Variants in BTNL2 observed in about 807,000 individuals in gnomAD.
BTNL2 encodes butyrophilin-like protein 2.
A neutral mutation model predicts 46.8 loss-of-function variants in BTNL2; 46 were observed. The ratio of observed to expected loss-of-function variants is 0.98; its 90% confidence interval spans 0.78 to 1.26. The LOEUF (loss-of-function observed/expected upper bound fraction) is 1.26, where lower values mean the gene tolerates loss of function less well. BTNL2 is among the 50% of genes most tolerant of loss of function. The pLI is 0.00. For missense variants in BTNL2, 461 were observed against 592.6 expected, an observed-to-expected ratio of 0.78 and a Z score of 2.31; for synonymous variants, 226 against 229.1, an observed-to-expected ratio of 0.99 and a Z score of 0.12.
rs1487447449 is a variant in BTNL2 at position 32,399,553 on chromosome 6, A to G, written c.730+2232T>C. ...GATGAATGAGCTGACAAAGTCACAC[A>G]TAAGTAATTAAGGACTTGCACTGTT... On this transcript the variant is annotated intron_variant, in intron 4 of 7. Transcript: ENST00000454136. This position sits in a 1 kb window ranked among gnomAD's most constrained non-coding sequence, Gnocchi z 5.2. 2.0e-5 allele frequency among the ~76,000 whole-genome samples: 3 copies of G among 152,224 alleles called. No homozygotes were observed. Among genetic ancestry groups the G allele is most frequent in the Non-Finnish European group, 4.4e-5 (3 of 68,034 alleles).
At chr6:32,402,652 G>T (rs1776852471) in intron 3 of BTNL2, among the ~76,000 whole-genome samples, 1 of 152,130 alleles carries the variant, frequency 6.6e-6, no homozygotes, top group African/African-American at 2.4e-5. Context: ...TTCAGTTGAA[G>T]AAATATAGCT....
At position 32,403,212 on chromosome 6, in the gene BTNL2, C is replaced by A. The variant is rs1161851100; in HGVS notation, c.432G>T (p.Leu144=). ...ETSLLLKVAG[L]GSAPSIHMEG... The stretch of plus-strand genomic sequence containing the variant: ...CCATGTGGATGCTAGGGGCAGACCC[C>A]AGACCTGCAGAGGGAAGCCACAGCT... The change falls in exon 3 of 8, where the codon CTG becomes CTT. Residue 144 remains leucine (L), a synonymous_variant. Coordinates refer to ENST00000454136, the MANE Select transcript of BTNL2 (RefSeq NM_001304561.2). 5.0e-6 allele frequency: 8 copies of A among 1,602,288 alleles called. No homozygotes were observed. The highest frequency in any genetic ancestry group is 1.3e-5 in the African/African-American group (1 of 74,724).
intron 1 of BTNL2, chr6:32,406,605 C>A (rs73400894): frequency 0.066 from 9,996 of 152,218 alleles, 401 homozygotes; most frequent in African/African-American, 0.11. Context: ...TCCAAAGTCC[C>A]TTTCTTCTAA....
intron 1 of BTNL2, among the ~76,000 whole-genome samples, chr6:32,405,850 A>G (rs1296690532): frequency 7.6e-6 from 1 of 131,778 alleles, no homozygotes; most frequent in Non-Finnish European, 1.6e-5. Flanking sequence ...TCCCGTCTGG[A>G]GTTGGCAGGA....
In BTNL2 at chr6:32,399,941, C is replaced by G. The variant is rs1388394316; in HGVS notation, c.730+1844G>C. On this transcript the variant is annotated intron_variant, in intron 4 of 7. Transcript: ENST00000454136. The surrounding 1 kb of genome is among the most constrained non-coding windows in gnomAD (Gnocchi z 5.2). ...CCACCTGACAGGAAGCAAAGGGAAGCTCCATCTTTCCGTGTTGGTTAATTG... is the reference window on the plus strand; with the variant it reads ...CCACCTGACAGGAAGCAAAGGGAAGGTCCATCTTTCCGTGTTGGTTAATTG... Among the ~76,000 whole-genome samples, 1 of 152,084 alleles carries G rather than the reference C, an allele frequency of 6.6e-6. No individual in the cohort carries two copies. Among genetic ancestry groups the G allele is most frequent in the Non-Finnish European group, 1.5e-5 (1 of 68,032 alleles).
rs9268487 is a variant in BTNL2 at position 32,400,784 on chromosome 6, A to C, written c.730+1001T>G. 7.8e-3 allele frequency among the ~76,000 whole-genome samples: 913 copies of C among 117,066 alleles called. 74 individuals carry two copies. The highest frequency in any genetic ancestry group is 0.021 in the Middle Eastern group (5 of 238). The allele number at this position is 117,066 out of a possible 152,430, so 76.8% of individuals were successfully genotyped here. ...AAAAATTAGCTGGGTGTGGTGGCGC[A>C]TGCCTGTAGTCCCAGTTACTCAGGA... On this transcript the variant is annotated intron_variant, in intron 4 of 7. Coordinates refer to ENST00000454136, the MANE Select transcript of BTNL2 (RefSeq NM_001304561.2).
intron 1 of BTNL2, 124 bp from the exon 2 acceptor site, chr6:32,405,410 T>TCTC: frequency 1.1e-6 from 1 of 921,838 alleles, no homozygotes; most frequent in Non-Finnish European, 1.7e-6. Context: ...GTTTAATGTT[T>TCTC]TAGAGAAATC....
chr6:32,399,849 A>G lies in BTNL2; in HGVS notation c.730+1936T>C, dbSNP rs553023234. Among the ~76,000 whole-genome samples, 16 of 152,340 alleles carry G rather than the reference A, an allele frequency of 1.1e-4. No individual in the cohort carries two copies. The South Asian group carries it at 1.9e-3, about 18-fold the overall frequency. On this transcript the variant is annotated intron_variant, in intron 4 of 7. Transcript: ENST00000454136. This position sits in a 1 kb window ranked among gnomAD's most constrained non-coding sequence, Gnocchi z 5.2. ...CAGTGATTTCAGTCTTAGGACTTCC[A>G]TAGAGAGCTGGGTGTCCCATCATTA...
chr6:32,402,920 A>G lies in BTNL2; in HGVS notation c.709+15T>C. The G allele has an allele frequency of 6.2e-7, 1 of 1,610,212 alleles. No individual in the cohort carries two copies. The highest frequency in any genetic ancestry group is 8.5e-7 in the Non-Finnish European group (1 of 1,177,776). Reference sequence around the variant, plus strand: ...GCTGATCTGAGCATGTGGGTCCTAGAGGCAGAGCACTGACCTGGGAGGCTG... The same window carrying G: ...GCTGATCTGAGCATGTGGGTCCTAGGGGCAGAGCACTGACCTGGGAGGCTG... On this transcript the variant is annotated intron_variant, in intron 3 of 7. Coordinates refer to ENST00000454136, the MANE Select transcript of BTNL2 (RefSeq NM_001304561.2).
rs201236144 is a variant in BTNL2 at position 32,394,779 on chromosome 6, A to T, written c.1325T>A (p.Leu442Ter). 2 of 1,613,216 alleles carry T rather than the reference A, an allele frequency of 1.2e-6. No homozygotes were observed. The highest frequency in any genetic ancestry group is 2.2e-5 in the East Asian group (1 of 44,838). Residue 442 changes from leucine (L) to a stop codon, truncating the protein, a stop_gained, in exon 6 of 8, where the codon TTG becomes TAG. Transcript: ENST00000454136. LOFTEE classifies it high-confidence loss of function. This position sits in a 1 kb window ranked among gnomAD's most constrained non-coding sequence, Gnocchi z 4.6. ...AAAAGTTGCGATTTTCTCCTCGCCC[A>T]AAAAGGGGATGCTGATGGAACAAGT... ...DVTCSISIPF[L>*]GEEKIATFSL... is the part of the protein sequence containing the mutation.
chr6:32,401,861 A>G, intron 3 of BTNL2, 56 bp from the exon 4 acceptor site: 1 of 1,520,484 alleles, frequency 6.6e-7, no homozygotes, highest in South Asian at 1.2e-5. Context: ...GAAAGGAGAG[A>G]AACTATTTTT....
At position 32,403,014 on chromosome 6, in the gene BTNL2, G is replaced by A. The variant is rs78107756; in HGVS notation, c.630C>T (p.Asn210=). Residue 210 remains asparagine, a synonymous_variant, in exon 3 of 8, where the codon AAC becomes AAT. Transcript: ENST00000454136. ...AGCAGGACACAGACTCTGCAGAGGCGTTCCTGACCACCAGGGTGGCTTCCG... is the reference window on the plus strand; with the variant it reads ...AGCAGGACACAGACTCTGCAGAGGCATTCCTGACCACCAGGGTGGCTTCCG... The part of the protein sequence containing the change: ...FYAEATLVVR[N]ASAESVSCLV... 0.016 allele frequency: 25,986 copies of A among 1,612,846 alleles called. 1,141 individuals are homozygous for A. The highest frequency in any genetic ancestry group is 0.16 in the East Asian group (6,982 of 44,860).
rs1349929842 is a variant in BTNL2 at position 32,399,961 on chromosome 6, TA to T, written c.730+1823del. On this transcript the variant is annotated intron_variant, in intron 4 of 7. Coordinates refer to ENST00000454136, the MANE Select transcript of BTNL2 (RefSeq NM_001304561.2). The surrounding 1 kb of genome is among the most constrained non-coding windows in gnomAD (Gnocchi z 5.2). ...GGAAGCTCCATCTTTCCGTGTTGGT[TA>T]ATTGTGGCCCCGGAGGTTACCATGA... 3.3e-5 allele frequency among the ~76,000 whole-genome samples: 5 copies of T among 151,828 alleles called. No homozygotes were observed. Among genetic ancestry groups the T allele is most frequent in the Non-Finnish European group, 7.4e-5 (5 of 68,020 alleles).
rs150640011 is a variant in BTNL2 at position 32,394,787 on chromosome 6, G to T, written c.1317C>A (p.Ile439=). 5 of 1,613,816 alleles carry T rather than the reference G, an allele frequency of 3.1e-6. No individual in the cohort carries two copies. The African/African-American group carries it at 4.0e-5, about 13-fold the overall frequency. Residue 439 remains isoleucine (I), a synonymous_variant, in exon 6 of 8, where the codon ATC becomes ATA. Transcript: ENST00000454136. This position sits in a 1 kb window ranked among gnomAD's most constrained non-coding sequence, Gnocchi z 4.6. ...SAVDVTCSIS[I]PFLGEEKIAT... ...CGATTTTCTCCTCGCCCAAAAAGGG[G>T]ATGCTGATGGAACAAGTGACGTCCA... is the stretch of plus-strand genomic sequence containing the variant.
chr6:32,396,523 T>C lies in BTNL2; in HGVS notation c.731-137A>G. The stretch of plus-strand genomic sequence containing the variant: ...TGTGAGGCTCAGGGTCATCCTTAGG[T>C]GAGGTGGGGGTTTCATGGACTCAGA... On this transcript the variant is annotated intron_variant, in intron 4 of 7. Coordinates refer to ENST00000454136, the MANE Select transcript of BTNL2 (RefSeq NM_001304561.2). This position sits in a 1 kb window ranked among gnomAD's most constrained non-coding sequence, Gnocchi z 4.4. The C allele has an allele frequency of 1.2e-6, 1 of 813,194 alleles. No homozygotes were observed. Among genetic ancestry groups the C allele is most frequent in the Non-Finnish European group, 2.0e-6 (1 of 496,054 alleles). 50.4% of individuals were successfully genotyped at this position (813,194 alleles called of 1,614,324 possible).
At chr6:32,406,817 G>T in intron 1 of BTNL2, 1 of 395,172 alleles carries the variant, frequency 2.5e-6, no homozygotes, top group Non-Finnish European at 4.6e-6. Flanking sequence ...TCATTAAAAA[G>T]ATGAAAGAAC....
Position 32,395,018 on chromosome 6 carries a change from AC to A in BTNL2, c.1085del (p.Gly362ValfsTer5). ...ASLDLKVVSL[G>X]SSPLITVEGQ... Reference sequence around the variant, plus strand: ...CCTCCACAGTGATCAGTGGGGAAGAACCCAGACCTGGGGCAGAGAAAGCAAC... The same window carrying A: ...CCTCCACAGTGATCAGTGGGGAAGAACCAGACCTGGGGCAGAGAAAGCAAC... On this transcript the variant is annotated frameshift_variant, in exon 6 of 8. Transcript: ENST00000454136. LOFTEE classifies it high-confidence loss of function. 1 of 1,572,270 alleles carries A rather than the reference AC, an allele frequency of 6.4e-7. No homozygotes were observed. Among genetic ancestry groups the A allele is most frequent in the South Asian group, 1.2e-5 (1 of 85,016 alleles).
rs1397611781 is a variant in BTNL2 at position 32,394,344 on chromosome 6, T to G, written c.1361-287A>C. Among the ~76,000 whole-genome samples the G allele has an allele frequency of 6.6e-6, 1 of 152,160 alleles. No homozygotes were observed. The highest frequency in any genetic ancestry group is 1.5e-5 in the Non-Finnish European group (1 of 68,020). On this transcript the variant is annotated intron_variant, in intron 6 of 7. Transcript: ENST00000454136. This position sits in a 1 kb window ranked among gnomAD's most constrained non-coding sequence, Gnocchi z 4.6. The stretch of plus-strand genomic sequence containing the variant: ...CTTGAGGAGGAAAGGATAAAATTAC[T>G]CAAGCCGCAACCATGAAGATGGTAT...
chr6:32,406,620 T>C (rs1777168098), intron 1 of BTNL2: 1 of 152,500 alleles, frequency 6.6e-6, no homozygotes, highest in Non-Finnish European at 1.5e-5. Context: ...TTCTAATTTC[T>C]TATTTCCAAG....
Sources: allele counts gnomAD v4.1 joint callset (sites outside exome capture counted in the v4.1 genomes callset), GRCh38; gene constraint gnomAD v4.1.1; non-coding constraint Gnocchi (gnomAD v3.1); transcripts MANE v1.5; gene names NCBI Gene and HGNC (gene_info 2026-07-23, HGNC 2026-07-21).